Variants in CLCN1 observed in about 807,000 individuals in gnomAD.
CLCN1 encodes the protein chloride channel protein 1.
In CLCN1, 100 loss-of-function variants were observed where a neutral mutation model predicts 114.5. The observed-to-expected ratio is 0.87, with a 90% CI of 0.74 to 1.03. CLCN1 has a LOEUF of 1.03. Among genes scored for constraint, CLCN1 ranks in the 50% least tolerant of loss-of-function variants. The pLI is 0.00. For synonymous variants in CLCN1, 485 were observed against 487.1 expected, an observed-to-expected ratio of 1.00 and a Z score of 0.06; for missense variants, 1,188 against 1,250.0, an observed-to-expected ratio of 0.95 and a Z score of 0.75.
rs1802525544 is a variant in CLCN1, at chr7:143,324,402, C to T, written c.775-12C>T. The T allele has an allele frequency of 6.2e-7, 1 of 1,607,650 alleles. No homozygotes were observed. The highest frequency in any genetic ancestry group is 8.5e-7 in the Non-Finnish European group (1 of 1,174,440). On this transcript the variant is annotated splice_polypyrimidine_tract_variant and intron_variant, in intron 6 of 22. Transcript: ENST00000343257. This position sits in a 1 kb window ranked among gnomAD's most constrained non-coding sequence, Gnocchi z 4.6. The stretch of plus-strand genomic sequence containing the variant: ...CTTCCACCTGTTTCTCTGTCTGTCT[C>T]TCCCCTAGTAGCAGCCATACTACTA...
intron 17 of CLCN1, 146 bp downstream of exon 17, chr7:143,345,908 A>G (rs1212728608): frequency 8.2e-7 from 1 of 1,217,132 alleles, no homozygotes; most frequent in East Asian, 2.5e-5. Flanking sequence ...GTAACTGAGA[A>G]AGCCAGAAAT....
intron 12 of CLCN1, among the ~76,000 whole-genome samples, chr7:143,335,180 C>T (rs926735962): frequency 6.6e-6 from 1 of 152,204 alleles, no homozygotes; most frequent in Admixed American, 6.5e-5. Flanking sequence ...TCCCAGCTCT[C>T]CAGATTCCCA....
chr7:143,332,490 T>G lies in CLCN1; in HGVS notation c.1238T>G (p.Phe413Cys), dbSNP rs121912799. 425 of 1,613,758 alleles carry G rather than the reference T, an allele frequency of 2.6e-4. 1 individual carries two copies. The highest frequency in any genetic ancestry group is 2.0e-4 in the Non-Finnish European group (231 of 1,179,744). ...ACCTTCCCACCAGGAATGGGTCAAT[T>G]CATGGCTGGAGAGGTCAGCTGTTGG... ...SFTFPPGMGQFMAGELMPREA... is the reference protein window; with the variant it reads ...SFTFPPGMGQCMAGELMPREA... The change falls in exon 11 of 23, where the codon TTC becomes TGC. Residue 413 changes from phenylalanine (F) to cysteine (C), a missense_variant. Coordinates refer to ENST00000343257, the MANE Select transcript of CLCN1 (RefSeq NM_000083.3).
At chr7:143,317,304 A>G (rs902772425) in intron 1 of CLCN1, among the ~76,000 whole-genome samples, 3 of 135,524 alleles carry the variant, frequency 2.2e-5, no homozygotes, top group African/African-American at 8.7e-5. Context: ...GCTGGAGTGC[A>G]GTGGTGCTAT....
chr7:143,322,204 G>C (rs1030477616), intron 5 of CLCN1, among the ~76,000 whole-genome samples: 2 of 152,238 alleles, frequency 1.3e-5, no homozygotes, highest in African/African-American at 4.8e-5. Context: ...TGTGACACCA[G>C]CATGTCCTCA....
Position 143,351,843 on chromosome 7 carries a change from G to A in CLCN1, c.2845G>A (p.Gly949Ser). The change falls in exon 23 of 23, where the codon GGC becomes AGC. Residue 949 changes from glycine (G) to serine (S), a missense_variant. Coordinates refer to ENST00000343257, the MANE Select transcript of CLCN1 (RefSeq NM_000083.3). ...PLSLAPGKVE[G>S]ELEELELVES... ...CTCCCTGGCCCCAGGCAAGGTAGAG[G>A]GCGAGTTGGAGGAGCTGGAGCTGGT... The A allele has an allele frequency of 6.2e-7, 1 of 1,613,818 alleles. No individual in the cohort carries two copies. The highest frequency in any genetic ancestry group is 1.3e-5 in the African/African-American group (1 of 75,054).
intron 12 of CLCN1, among the ~76,000 whole-genome samples, chr7:143,337,545 A>G (rs1473753682): frequency 6.6e-6 from 1 of 152,102 alleles, no homozygotes; most frequent in Non-Finnish European, 1.5e-5. Flanking sequence ...ATTAAGAAAT[A>G]TATTTCTCGT....
intron 7 of CLCN1, among the ~76,000 whole-genome samples, chr7:143,325,486 A>G (rs746734528): frequency 1.1e-4 from 16 of 152,240 alleles, no homozygotes; most frequent in Non-Finnish European, 2.1e-4. Flanking sequence ...GTTAGCAAGC[A>G]CATCAGCTAG....
In CLCN1 at chr7:143,346,564, C is replaced by A. The variant is rs758496771; in HGVS notation, c.2285-15C>A. The A allele has an allele frequency of 1.3e-5, 21 of 1,600,968 alleles. No homozygotes were observed. In the South Asian group the frequency reaches 2.1e-4, roughly 16 times the overall value. On this transcript the variant is annotated splice_polypyrimidine_tract_variant and intron_variant, in intron 18 of 22. Transcript: ENST00000343257. ...TGCTTTGTGTCCATTTCCATCCACT[C>A]ACCTGTCCTCTCAGGTCAAAGACCC... is the stretch of plus-strand genomic sequence containing the variant.
At chr7:143,316,713 G>T (rs1351242877) in intron 1 of CLCN1, among the ~76,000 whole-genome samples, 1 of 152,162 alleles carries the variant, frequency 6.6e-6, no homozygotes, top group Non-Finnish European at 1.5e-5. Flanking sequence ...TTGCGTAGGA[G>T]CCCACACTGC....
rs1184030723 is a variant in CLCN1 at position 143,321,551 on chromosome 7, G to C, written c.562+58G>C. The C allele has an allele frequency of 1.2e-6, 2 of 1,612,608 alleles. No homozygotes were observed. Among genetic ancestry groups the C allele is most frequent in the Non-Finnish European group, 1.7e-6 (2 of 1,179,606 alleles). ...GGGTGGCCTGAGAGGGGCCCTGTCT[G>C]TCTCCCCCATCATCCAGCCCCACCC... is the stretch of plus-strand genomic sequence containing the variant. On this transcript the variant is annotated intron_variant, in intron 4 of 22. Transcript: ENST00000343257. This position sits in a 1 kb window ranked among gnomAD's most constrained non-coding sequence, Gnocchi z 4.2.
intron 2 of CLCN1, 94 bp from the exon 3 acceptor site, chr7:143,320,570 T>TGG: frequency 9.6e-7 from 1 of 1,046,700 alleles, no homozygotes; most frequent in East Asian, 2.7e-5. Flanking sequence ...TCTCTCTCTC[T>TGG]CTCTCTCTCT....
At chr7:143,336,604 C>CAAAAAAAAAAAAAAAAAA (rs573516521) in intron 12 of CLCN1, among the ~76,000 whole-genome samples, 1 of 80,432 alleles carries the variant, frequency 1.2e-5, no homozygotes, top group African/African-American at 4.7e-5. Context: ...AAGACTCTGT[C>CAAAAAAAAAAAAAAAAAA]AAAAAAAAAA....
Position 143,351,668 on chromosome 7 carries a change from G to A in CLCN1, c.2670G>A (p.Thr890=), listed in dbSNP as rs778939630. Residue 890 remains threonine (T), a synonymous_variant, in exon 23 of 23, where the codon ACG becomes ACA. Transcript: ENST00000343257. The stretch of plus-strand genomic sequence containing the variant: ...CTCCCCTTGCCAGCTTCCGGAACAC[G>A]ACTTCAACTCGAAAGAGTACCGGGG... ...LRPPLASFRN[T]TSTRKSTGAP... 1.4e-5 allele frequency: 22 copies of A among 1,614,022 alleles called. No homozygotes were observed. In the South Asian group the frequency reaches 2.0e-4, roughly 14 times the overall value.
At chr7:143,345,493 G>C (rs1389863926) in intron 16 of CLCN1, 28 bp from the exon 17 acceptor site, 1 of 1,516,252 alleles carries the variant, frequency 6.6e-7, no homozygotes, top group African/African-American at 1.4e-5. Flanking sequence ...TGGAGGGGGC[G>C]CTCAGGCAGG....
intron 20 of CLCN1, among the ~76,000 whole-genome samples, chr7:143,347,485 G>A (rs1373419253): frequency 6.6e-6 from 1 of 152,026 alleles, no homozygotes; most frequent in African/African-American, 2.4e-5. Flanking sequence ...GCCGGGCATG[G>A]TGGCACGCAC....
At chr7:143,322,612 T>A (rs1802471004) in intron 5 of CLCN1, among the ~76,000 whole-genome samples, 1 of 152,194 alleles carries the variant, frequency 6.6e-6, no homozygotes, top group Admixed American at 6.5e-5. Flanking sequence ...AACCTCCACC[T>A]CCCAGGTTCA....
At chr7:143,318,298 C>T (rs1802340611) in intron 1 of CLCN1, among the ~76,000 whole-genome samples, 1 of 152,180 alleles carries the variant, frequency 6.6e-6, no homozygotes, top group Non-Finnish European at 1.5e-5. Flanking sequence ...TCTCAGCTCA[C>T]CGCAATCTCC....
rs752041565 is a variant in CLCN1, at chr7:143,332,749, CTTTG to C, written c.1282_1285del (p.Phe428ThrfsTer6). On this transcript the variant is annotated frameshift_variant, in exon 12 of 23. Coordinates refer to ENST00000343257, the MANE Select transcript of CLCN1 (RefSeq NM_000083.3). LOFTEE classifies it high-confidence loss of function. ...TTGATGCCCCGCGAAGCCATCAGTA[CTTTG>C]TTTGACAACAATACATGGGTGAAAC... 16 of 1,614,234 alleles carry C rather than the reference CTTTG, an allele frequency of 9.9e-6. No individual in the cohort carries two copies. Among genetic ancestry groups the C allele is most frequent in the Admixed American group, 3.3e-5 (2 of 60,024 alleles).
Sources: gnomAD v4.1 joint callset for allele counts (sites outside exome capture counted in the v4.1 genomes callset) on GRCh38, gnomAD v4.1.1 for gene constraint, Gnocchi (gnomAD v3.1) non-coding constraint, MANE v1.5 for transcripts, NCBI Gene and HGNC (gene_info 2026-07-23, HGNC 2026-07-21) for gene names.